The following KDM6A variants were observed in gnomAD, a reference collection of about 807,000 sequenced individuals.
KDM6A encodes the protein lysine-specific demethylase 6A.
KDM6A carries 11 observed loss-of-function variants against 117.6 expected under a neutral mutation model. The ratio of observed to expected loss-of-function variants is 0.09; its 90% CI spans 0.06 to 0.15. KDM6A has a LOEUF of 0.15. Ranked by LOEUF, KDM6A falls within the 10% of genes least tolerant of loss-of-function variation. The pLI is 1.00. For synonymous variants in KDM6A, 384 were observed against 396.1 expected (o/e 0.97, Z 0.36); for missense variants, 799 against 1,077.3 (o/e 0.74, Z 3.62).
chrX:45,068,823 TCTTTCC>T lies in KDM6A; in HGVS notation c.2080-726_2080-721del, dbSNP rs1556327258. Among the ~76,000 whole-genome samples the T allele has an allele frequency of 9.6e-3, 915 of 95,734 alleles. 30 individuals carry two copies. Among genetic ancestry groups the T allele is most frequent in the African/African-American group, 0.043 (853 of 19,778 alleles). The allele number at this position is 95,734 out of a possible 115,157, so 83.1% of individuals were successfully genotyped here. ...CTCTTTCTCTTTCTCTTTCTCTTTCTCTTTCCCTTTCCCTTTCCCTTTCCCTTTCCC... is the reference window on the plus strand; with the variant it reads ...CTCTTTCTCTTTCTCTTTCTCTTTCTCTTTCCCTTTCCCTTTCCCTTTCCC... On this transcript the variant is annotated intron_variant, in intron 17 of 29. Coordinates refer to ENST00000611820, the MANE Select transcript of KDM6A (RefSeq NM_001291415.2).
rs550666997 is a variant in KDM6A, at chrX:44,911,892, C to T, written c.225+37905C>T. Among the ~76,000 whole-genome samples the T allele has an allele frequency of 2.7e-3, 293 of 110,180 alleles. 1 individual carries two copies. The highest frequency in any genetic ancestry group is 0.022 in the South Asian group (56 of 2,548). On this transcript the variant is annotated intron_variant, in intron 2 of 29. Transcript: ENST00000611820. ...AAATATGAAAACCAGTCAGGCGTGG[C>T]GGCGCGCGCCTGCAATCGCAGGCGC...
chrX:45,053,287 C>T (rs1320606622), intron 9 of KDM6A, among the ~76,000 whole-genome samples: 1 of 109,753 alleles, frequency 9.1e-6, no homozygotes, highest in Non-Finnish European at 1.9e-5. Context: ...CAAAAATTAG[C>T]TGGGTGTGGT....
At chrX:45,076,089 A>T (rs990517881) in intron 18 of KDM6A, among the ~76,000 whole-genome samples, 1 of 111,492 alleles carries the variant, frequency 9.0e-6, no homozygotes, top group Non-Finnish European at 1.9e-5. Flanking sequence ...CATCAACCTA[A>T]ATACCAGTAA....
At chrX:44,997,122 T>A (rs780730778) in intron 4 of KDM6A, among the ~76,000 whole-genome samples, 1 of 112,155 alleles carries the variant, frequency 8.9e-6, no homozygotes, top group East Asian at 2.8e-4. Context: ...TCTTTTAGTT[T>A]GCTGTCTGTA....
chrX:44,990,874 T>C (rs985981463), intron 4 of KDM6A, among the ~76,000 whole-genome samples: 1 of 112,221 alleles, frequency 8.9e-6, no homozygotes, highest in Non-Finnish European at 1.9e-5. Flanking sequence ...TTGTTTCTTC[T>C]GTTATCAGTA....
At chrX:44,999,072 C>A (rs2041008367) in intron 4 of KDM6A, among the ~76,000 whole-genome samples, 1 of 111,492 alleles carries the variant, frequency 9.0e-6, no homozygotes, top group African/African-American at 3.3e-5. Context: ...AATTCCAGTA[C>A]TTTGGGAGGC....
chrX:45,040,994 G>A, intron 8 of KDM6A, among the ~76,000 whole-genome samples: 1 of 81,005 alleles, frequency 1.2e-5, no homozygotes, highest in African/African-American at 4.8e-5. Flanking sequence ...GCCGGGCGGG[G>A]GGCTGACCCC....
intron 2 of KDM6A, among the ~76,000 whole-genome samples, chrX:44,892,123 C>G (rs1346467529): frequency 8.9e-6 from 1 of 112,518 alleles, no homozygotes; most frequent in Non-Finnish European, 1.9e-5. Context: ...AGAGGAACCT[C>G]TACGTTTTAC....
chrX:44,880,874 T>C (rs1418105025), intron 2 of KDM6A, among the ~76,000 whole-genome samples: 7 of 111,927 alleles, frequency 6.3e-5, no homozygotes, highest in Non-Finnish European at 1.1e-4. Context: ...TAAACTACCA[T>C]GTCTATAGTT....
At chrX:45,103,787 A>G (rs2046418786) in intron 27 of KDM6A, among the ~76,000 whole-genome samples, 1 of 111,443 alleles carries the variant, frequency 9.0e-6, no homozygotes, top group Non-Finnish European at 1.9e-5. Context: ...CCATTCTGGA[A>G]CTTCCTTTGT....
intron 6 of KDM6A, among the ~76,000 whole-genome samples, chrX:45,027,071 G>C (rs2042398071): frequency 9.1e-6 from 1 of 110,106 alleles, no homozygotes; most frequent in South Asian, 3.9e-4. Flanking sequence ...CACTTTCGGA[G>C]GCTGAGGCGG....
intron 2 of KDM6A, among the ~76,000 whole-genome samples, chrX:44,956,386 C>T (rs1028228791): frequency 1.8e-5 from 2 of 109,579 alleles, no homozygotes; most frequent in African/African-American, 6.6e-5. Context: ...TTTCTTTTTC[C>T]TCTTCCTCTT....
chrX:45,029,453 C>T (rs2042514265), intron 6 of KDM6A, among the ~76,000 whole-genome samples: 1 of 108,734 alleles, frequency 9.2e-6, no homozygotes, highest in African/African-American at 3.4e-5. Context: ...TACATACATA[C>T]ATACAAAATT....
chrX:44,891,577 TAAAGAAA>T (rs2033369539), intron 2 of KDM6A, among the ~76,000 whole-genome samples: 2 of 112,130 alleles, frequency 1.8e-5, no homozygotes, highest in Non-Finnish European at 3.8e-5. Flanking sequence ...TCCGGTGCTG[TAAAGAAA>T]TAGCACTTGA....
intron 4 of KDM6A, among the ~76,000 whole-genome samples, chrX:45,001,381 G>A (rs1026076673): frequency 4.5e-5 from 5 of 111,720 alleles, no homozygotes; most frequent in Non-Finnish European, 7.5e-5. Flanking sequence ...GTCCATTCTT[G>A]TTCTTTAGTG....
chrX:45,045,820 A>G (rs1022584025), intron 8 of KDM6A, among the ~76,000 whole-genome samples: 1 of 110,872 alleles, frequency 9.0e-6, no homozygotes, highest in Non-Finnish European at 1.9e-5. Context: ...GTGCTGCTTG[A>G]CCATGGATGT....
chrX:44,945,339 A>C (rs1028964053), intron 2 of KDM6A, among the ~76,000 whole-genome samples: 3 of 111,463 alleles, frequency 2.7e-5, no homozygotes, highest in African/African-American at 9.8e-5. Context: ...CTGATATTCA[A>C]TGTCTAAAAT....
chrX:44,915,030 G>A (rs2035464322), intron 2 of KDM6A, among the ~76,000 whole-genome samples: 1 of 111,429 alleles, frequency 9.0e-6, no homozygotes, highest in Non-Finnish European at 1.9e-5. Context: ...GGCTTTTCTA[G>A]AATCTAGACA....
intron 2 of KDM6A, among the ~76,000 whole-genome samples, chrX:44,920,394 C>T (rs908665240): frequency 9.0e-6 from 1 of 111,399 alleles, no homozygotes; most frequent in African/African-American, 3.3e-5. Flanking sequence ...AATACAGCTT[C>T]TCTAGTTTTC....
Sources: gnomAD v4.1 joint callset for allele counts (sites outside exome capture counted in the v4.1 genomes callset) on GRCh38, gnomAD v4.1.1 for gene constraint, MANE v1.5 for transcripts, NCBI Gene and HGNC (gene_info 2026-07-23, HGNC 2026-07-21) for gene names.